SQOR: variants seen among roughly 807,000 people sequenced by gnomAD.
SQOR encodes sulfide quinone oxidoreductase, also known as sulfide:quinone oxidoreductase, mitochondrial.
SQOR carries 39 observed loss-of-function variants against 48.6 expected under a neutral mutation model. That is an observed-to-expected ratio of 0.80 (90% confidence interval 0.62 to 1.05). The LOEUF (loss-of-function observed/expected upper bound fraction) is 1.05, where lower values mean the gene tolerates loss of function less well. Among genes scored for constraint, SQOR ranks in the 50% least tolerant of loss-of-function variants. SQOR has a pLI of 0.00. For synonymous variants in SQOR, 220 were observed against 206.2 expected (o/e 1.07, Z -0.57); for missense variants, 561 against 559.9 (o/e 1.00, Z -0.02).
chr15:45,665,869 C>T (rs1889807694), intron 3 of SQOR, among the ~76,000 whole-genome samples: 1 of 152,226 alleles, frequency 6.6e-6, no homozygotes, highest in South Asian at 2.1e-4. Flanking sequence ...CAGGTGTGAG[C>T]CACCGTGCCC....
chr15:45,665,090 AG>A (rs1392551729), intron 3 of SQOR, among the ~76,000 whole-genome samples: 2 of 152,118 alleles, frequency 1.3e-5, no homozygotes, highest in East Asian at 3.9e-4. Flanking sequence ...CTACAGGAAG[AG>A]CTTTAGAGCC....
chr15:45,637,956 T>C (rs565568699), intron 1 of SQOR, among the ~76,000 whole-genome samples: 3 of 152,362 alleles, frequency 2.0e-5, no homozygotes, highest in South Asian at 4.1e-4. Context: ...GGATAGCTTA[T>C]GGAAAGCTGC....
chr15:45,650,414 T>C (rs1158669276), intron 1 of SQOR, among the ~76,000 whole-genome samples: 10 of 152,188 alleles, frequency 6.6e-5, no homozygotes, highest in African/African-American at 9.7e-5. Flanking sequence ...GGTGGGTTCG[T>C]GGTCTCCCTG....
chr15:45,651,548 G>T (rs1441061314), intron 1 of SQOR, among the ~76,000 whole-genome samples: 1 of 152,388 alleles, frequency 6.6e-6, no homozygotes, highest in Non-Finnish European at 1.5e-5. Flanking sequence ...TGCGAGGGCT[G>T]CCAGCACGCT....
Position 45,648,768 on chromosome 15 carries a change from G to C in SQOR, c.-17-10139G>C, listed in dbSNP as rs191180524. 1.7e-3 allele frequency among the ~76,000 whole-genome samples: 266 copies of C among 152,338 alleles called. 3 individuals carry two copies. The Middle Eastern group carries it at 0.024, about 14-fold the overall frequency. On this transcript the variant is annotated intron_variant, in intron 1 of 9. Coordinates refer to ENST00000260324, the MANE Select transcript of SQOR (RefSeq NM_021199.4). ...AACAGCTCACAGTAAGCTTGGGCCA[G>C]GTCTGGCGGGAAGAACAGAGTAGGC...
chr15:45,676,294 A>T lies in SQOR; in HGVS notation c.848A>T (p.Glu283Val). The change falls in exon 6 of 10, where the codon GAG becomes GTG. Residue 283 changes from glutamate to valine, a missense_variant. Physicochemically the swap from Glu to Val is moderately radical, Grantham distance 121 (BLOSUM62 -2). Coordinates refer to ENST00000260324, the MANE Select transcript of SQOR (RefSeq NM_021199.4). ...AVFENLDKPG[E>V]TQVISYEMLH... ...TTTGAGAACCTGGACAAACCAGGAG[A>T]GACCCAAGTGATTTCAGTGAGTGGT... The T allele has an allele frequency of 6.2e-7, 1 of 1,613,988 alleles. No individual in the cohort carries two copies. Among genetic ancestry groups the T allele is most frequent in the Non-Finnish European group, 8.5e-7 (1 of 1,179,910 alleles).
intron 1 of SQOR, among the ~76,000 whole-genome samples, chr15:45,647,285 C>T (rs1889360407): frequency 2.6e-5 from 4 of 151,374 alleles, no homozygotes; most frequent in Admixed American, 2.6e-4. Flanking sequence ...TATTCACTCT[C>T]ACCTCCCACC....
chr15:45,666,947 C>G (rs1249233741), intron 3 of SQOR, among the ~76,000 whole-genome samples: 5 of 44,228 alleles, frequency 1.1e-4, no homozygotes, highest in Admixed American at 2.1e-4. Flanking sequence ...TCTCCTTTCT[C>G]CCATCCCCTC....
intron 3 of SQOR, among the ~76,000 whole-genome samples, chr15:45,668,044 A>G (rs531163219): frequency 3.3e-4 from 48 of 146,728 alleles, no homozygotes; most frequent in Non-Finnish European, 6.4e-4. Flanking sequence ...TCCTGGATTC[A>G]AGCAATTCTT....
chr15:45,631,916 T>G (rs2140932627), upstream of SQOR: 2 of 152,312 alleles, frequency 1.3e-5, no homozygotes, highest in Admixed American at 1.3e-4. Context: ...AAGTCTGATT[T>G]TTTTCAACAG....
intron 1 of SQOR, among the ~76,000 whole-genome samples, chr15:45,656,336 T>C (rs629024): frequency 3.8e-4 from 58 of 152,004 alleles, no homozygotes; most frequent in African/African-American, 1.4e-3. Flanking sequence ...GGTCTCCCTC[T>C]CTTCCCAGGC....
intron 7 of SQOR, among the ~76,000 whole-genome samples, chr15:45,685,058 C>A (rs564012745): frequency 9.2e-5 from 14 of 152,272 alleles, no homozygotes; most frequent in Admixed American, 2.6e-4. Context: ...GTGCTCTTTA[C>A]CTGCTATTTA....
At chr15:45,657,223 A>G (rs1403635400) in intron 1 of SQOR, among the ~76,000 whole-genome samples, 1 of 151,256 alleles carries the variant, frequency 6.6e-6, no homozygotes, top group Non-Finnish European at 1.5e-5. Context: ...CCCCCATATT[A>G]AAGTGGTGAC....
rs1335449414 is a variant in SQOR, at chr15:45,674,929, G to C, written c.654+1128G>C. Among the ~76,000 whole-genome samples, 9 of 152,272 alleles carry C rather than the reference G, an allele frequency of 5.9e-5. No homozygotes were observed. In the East Asian group the frequency reaches 1.7e-3, roughly 29 times the overall value. On this transcript the variant is annotated intron_variant, in intron 5 of 9. Coordinates refer to ENST00000260324, the MANE Select transcript of SQOR (RefSeq NM_021199.4). ...AAGAAGGGTGGGGAAGAACGGGCTG[G>C]GGAGTGGTTGAATGTGCTCATGGAG... is the stretch of plus-strand genomic sequence containing the variant.
intron 6 of SQOR, among the ~76,000 whole-genome samples, chr15:45,678,822 G>A (rs1890078618): frequency 6.6e-6 from 1 of 152,112 alleles, no homozygotes; most frequent in African/African-American, 2.4e-5. Context: ...TCCAGCTTTA[G>A]CTTTTTTAAA....
intron 1 of SQOR, among the ~76,000 whole-genome samples, chr15:45,649,248 G>A (rs1038352324): frequency 6.6e-6 from 1 of 152,136 alleles, no homozygotes; most frequent in Admixed American, 6.5e-5. Context: ...ATGGAAGTAG[G>A]GGATGCCCAG....
chr15:45,659,169 C>G lies in SQOR; in HGVS notation c.234+12C>G, dbSNP rs754908412. 6.7e-7 allele frequency: 1 copy of G among 1,500,850 alleles called. No individual in the cohort carries two copies. The highest frequency in any genetic ancestry group is 9.0e-7 in the Non-Finnish European group (1 of 1,115,390). The allele number at this position is 1,500,850 out of a possible 1,614,324, so 93.0% of individuals were successfully genotyped here. A position where few individuals can be genotyped will look rare whatever the true frequency, so the allele number is the denominator to read the frequency against. ...TTGAGCCCAGTGAGGTAAGCCTCCC[C>G]TTTTGAGGGCCTGGGTGTGTGTGTA... is the stretch of plus-strand genomic sequence containing the variant. On this transcript the variant is annotated intron_variant, in intron 2 of 9. Coordinates refer to ENST00000260324, the MANE Select transcript of SQOR (RefSeq NM_021199.4).
intron 1 of SQOR, among the ~76,000 whole-genome samples, chr15:45,650,022 T>TA (rs1173213395): frequency 7.2e-5 from 11 of 152,016 alleles, no homozygotes; most frequent in African/African-American, 2.4e-4. Context: ...TTTGTATTTT[T>TA]AGTAGAGATG....
intron 3 of SQOR, among the ~76,000 whole-genome samples, chr15:45,665,179 G>A (rs1344182577): frequency 6.6e-6 from 1 of 152,218 alleles, no homozygotes; most frequent in East Asian, 1.9e-4. Context: ...ACTACTAGGT[G>A]TTCTCACTGC....
Sources: gnomAD v4.1 joint callset for allele counts (sites outside exome capture counted in the v4.1 genomes callset) on GRCh38, gnomAD v4.1.1 for gene constraint, MANE v1.5 for transcripts, NCBI Gene and HGNC (gene_info 2026-07-23, HGNC 2026-07-21) for gene names.